Variants in PLEKHA2 observed in about 807,000 individuals in gnomAD.
PLEKHA2 encodes pleckstrin homology domain containing A2, also known as pleckstrin homology domain-containing family A member 2.
Under a neutral mutation model 53.2 loss-of-function variants are expected in PLEKHA2, and 28 were observed. That is an observed-to-expected ratio of 0.53 (90% CI 0.39 to 0.72). The LOEUF (loss-of-function observed/expected upper bound fraction) is 0.72, where lower values mean the gene tolerates loss of function less well. PLEKHA2 is among the 30% of genes least tolerant of loss of function. PLEKHA2 has a pLI of 0.00. For missense variants in PLEKHA2, 426 were observed against 537.9 expected (o/e 0.79, Z 2.06); for synonymous variants, 193 against 196.4 (o/e 0.98, Z 0.14).
At chr8:38,950,359 T>C (rs563957059) in intron 5 of PLEKHA2, among the ~76,000 whole-genome samples, 26 of 152,300 alleles carry the variant, frequency 1.7e-4, no homozygotes, top group Non-Finnish European at 3.1e-4. Flanking sequence ...CCCTCCAGGT[T>C]GCCGTTTGAG....
At chr8:38,953,426 C>T in intron 9 of PLEKHA2, 59 bp downstream of exon 9, 1 of 1,428,738 alleles carries the variant, frequency 7.0e-7, no homozygotes, top group Non-Finnish European at 9.9e-7. Flanking sequence ...CTTAAATCTC[C>T]CTTTACTACC....
At chr8:38,939,985 C>T (rs1314512936) in intron 3 of PLEKHA2, among the ~76,000 whole-genome samples, 1 of 150,754 alleles carries the variant, frequency 6.6e-6, no homozygotes, top group Non-Finnish European at 1.5e-5. Context: ...GTCCCAGCTA[C>T]TTGGGAGGCT....
intron 10 of PLEKHA2, among the ~76,000 whole-genome samples, chr8:38,962,696 A>G (rs1208036993): frequency 6.6e-6 from 1 of 152,252 alleles, no homozygotes; most frequent in Non-Finnish European, 1.5e-5. Flanking sequence ...GTTTATCAAG[A>G]GGGAAATTAG....
intron 4 of PLEKHA2, among the ~76,000 whole-genome samples, chr8:38,944,346 C>A (rs966628791): frequency 6.6e-6 from 1 of 151,946 alleles, no homozygotes; most frequent in Admixed American, 6.6e-5. Context: ...GAAACCCCAT[C>A]TCTACTAAAA....
intron 2 of PLEKHA2, among the ~76,000 whole-genome samples, chr8:38,920,275 C>T (rs1233981774): frequency 4.6e-5 from 7 of 151,948 alleles, no homozygotes; most frequent in Non-Finnish European, 8.8e-5. Context: ...CTCAGCCTCC[C>T]GAGTAGTTGG....
chr8:38,952,720 G>T lies in PLEKHA2; in HGVS notation c.702+16G>T. On this transcript the variant is annotated intron_variant, in intron 8 of 11. Transcript: ENST00000617275. ...GTGTGAGCAGGTTTGTAGTAGCTTT[G>T]CTGCCCTTCTGAGAGGTCATGGAAA... is the stretch of plus-strand genomic sequence containing the variant. The T allele has an allele frequency of 6.2e-7, 1 of 1,609,464 alleles. No individual in the cohort carries two copies. The highest frequency in any genetic ancestry group is 1.1e-5 in the South Asian group (1 of 90,944).
At chr8:38,959,939 T>C (rs970072017) in intron 10 of PLEKHA2, among the ~76,000 whole-genome samples, 12 of 152,182 alleles carry the variant, frequency 7.9e-5, no homozygotes, top group Non-Finnish European at 1.6e-4. Context: ...CAAGGAGATG[T>C]GCTATGAAGA....
intron 3 of PLEKHA2, among the ~76,000 whole-genome samples, chr8:38,936,806 C>T (rs1438126487): frequency 6.6e-6 from 1 of 152,260 alleles, no homozygotes; most frequent in East Asian, 1.9e-4. Flanking sequence ...GATTTAGAGC[C>T]TCCCCAGGAA....
chr8:38,920,893 C>T (rs560435619), intron 2 of PLEKHA2, among the ~76,000 whole-genome samples: 9 of 151,962 alleles, frequency 5.9e-5, no homozygotes, highest in South Asian at 2.1e-4. Flanking sequence ...CTCTGCCTCC[C>T]GGGTTCAAGC....
rs754249074 is a variant in PLEKHA2, at chr8:38,946,154, T to A, written c.278T>A (p.Leu93His). Residue 93 changes from leucine to histidine, a missense_variant, in exon 5 of 12, where the codon CTT (leucine) becomes CAT (histidine). Transcript: ENST00000617275. ...AATGCCCTGTCTCAGAGATATTTCC[T>A]TCAAGCCAATGATCAGAAAGATATG... ...VINALSQRYF[L>H]QANDQKDMKD... 1 of 1,608,606 alleles carries A rather than the reference T, an allele frequency of 6.2e-7. No homozygotes were observed. The highest frequency in any genetic ancestry group is 8.5e-7 in the Non-Finnish European group (1 of 1,177,402).
chr8:38,906,441 TTGAG>T (rs1215754906), intron 1 of PLEKHA2, among the ~76,000 whole-genome samples: 3 of 152,216 alleles, frequency 2.0e-5, no homozygotes, highest in South Asian at 2.1e-4. Context: ...AAATTCCTTC[TTGAG>T]TATCTCTTGC....
At chr8:38,940,599 A>C (rs993596809) in intron 3 of PLEKHA2, among the ~76,000 whole-genome samples, 1 of 131,914 alleles carries the variant, frequency 7.6e-6, no homozygotes, top group Non-Finnish European at 1.5e-5. Context: ...ACAGATTAAC[A>C]CTCAGGTGTA....
chr8:38,969,337 G>A (rs543883703), intron 11 of PLEKHA2, 84 bp from the exon 12 acceptor site: 35 of 1,479,664 alleles, frequency 2.4e-5, no homozygotes, highest in Non-Finnish European at 2.9e-5. Context: ...ATCCTGGTTG[G>A]GTACTCTTTC....
intron 2 of PLEKHA2, among the ~76,000 whole-genome samples, chr8:38,934,315 A>G (rs1276317287): frequency 6.6e-6 from 1 of 152,138 alleles, no homozygotes; most frequent in Admixed American, 6.6e-5. Context: ...TCTTAAGGCT[A>G]TCTCCTGATA....
At chr8:38,956,107 T>C (rs921202316) in intron 9 of PLEKHA2, among the ~76,000 whole-genome samples, 2 of 152,304 alleles carry the variant, frequency 1.3e-5, no homozygotes, top group East Asian at 3.9e-4. Flanking sequence ...CGCCTGGCCC[T>C]TATGTTCTTT....
chr8:38,948,725 G>A (rs1192414764), intron 5 of PLEKHA2, among the ~76,000 whole-genome samples: 1 of 152,210 alleles, frequency 6.6e-6, no homozygotes, highest in African/African-American at 2.4e-5. Flanking sequence ...AGCTGTAGAA[G>A]TGGGAGAGGA....
At chr8:38,968,898 CT>C (rs761821480) in intron 11 of PLEKHA2, 26,962 of 249,610 alleles carry the variant, frequency 0.11, 44 homozygotes, top group South Asian at 0.17. Context: ...AATGGAATTT[CT>C]TTTTTTTTTT....
At chr8:38,923,626 T>C (rs1834232493) in intron 2 of PLEKHA2, among the ~76,000 whole-genome samples, 1 of 152,206 alleles carries the variant, frequency 6.6e-6, no homozygotes, top group Non-Finnish European at 1.5e-5. Context: ...CAGATGCTGA[T>C]CTAAATACTG....
chr8:38,966,165 C>T (rs948440409), intron 10 of PLEKHA2, among the ~76,000 whole-genome samples: 2 of 152,084 alleles, frequency 1.3e-5, no homozygotes, highest in African/African-American at 4.8e-5. Context: ...AGGACCTGAA[C>T]GGTTTTCCTT....
Sources: allele counts gnomAD v4.1 joint callset (sites outside exome capture counted in the v4.1 genomes callset), GRCh38; gene constraint gnomAD v4.1.1; transcripts MANE v1.5; gene names NCBI Gene and HGNC (gene_info 2026-07-23, HGNC 2026-07-21).